The following RHOJ variants were observed in gnomAD, a reference collection of about 807,000 sequenced individuals.
RHOJ encodes the protein ras homolog family member J.
RHOJ carries 11 observed loss-of-function variants against 23.4 expected under a neutral mutation model. The ratio of observed to expected loss-of-function variants is 0.47; its 90% CI spans 0.30 to 0.78. The LOEUF (loss-of-function observed/expected upper bound fraction) is 0.78, where lower values mean the gene tolerates loss of function less well. Ranked by LOEUF, RHOJ falls within the 30% of genes least tolerant of loss-of-function variation. The probability of loss-of-function intolerance (pLI) is 0.08; values close to 1 mark genes in which losing one functional copy is unlikely to be tolerated. For missense variants in RHOJ, 254 were observed against 273.4 expected, an observed-to-expected ratio of 0.93 and a Z score of 0.50; for synonymous variants, 102 against 102.7, an observed-to-expected ratio of 0.99 and a Z score of 0.04.
intron 1 of RHOJ, among the ~76,000 whole-genome samples, chr14:63,254,619 T>C (rs1895130305): frequency 6.6e-6 from 1 of 151,954 alleles, no homozygotes; most frequent in Non-Finnish European, 1.5e-5. Flanking sequence ...GAAAATTGGA[T>C]AGATTTTAGT....
intron 1 of RHOJ, among the ~76,000 whole-genome samples, chr14:63,258,511 A>G (rs1337532900): frequency 6.6e-6 from 1 of 152,052 alleles, no homozygotes; most frequent in Non-Finnish European, 1.5e-5. Flanking sequence ...AAAGTATTAA[A>G]TTATAAAAGT....
At chr14:63,255,380 C>A (rs1222714420) in intron 1 of RHOJ, among the ~76,000 whole-genome samples, 1 of 152,186 alleles carries the variant, frequency 6.6e-6, no homozygotes, top group Non-Finnish European at 1.5e-5. Context: ...TGTCAACCAC[C>A]TTAGGGGCTC....
chr14:63,227,849 C>A (rs78683422), intron 1 of RHOJ, among the ~76,000 whole-genome samples: 8,546 of 152,250 alleles, frequency 0.056, 327 homozygotes, highest in East Asian at 0.22. Context: ...ATGAAGATTA[C>A]GTTTCAGAGC....
intron 1 of RHOJ, among the ~76,000 whole-genome samples, chr14:63,239,045 C>T (rs986478126): frequency 1.4e-4 from 21 of 152,188 alleles, no homozygotes; most frequent in Non-Finnish European, 2.5e-4. Context: ...CTCTCCAGGT[C>T]ATTAGACACT....
chr14:63,259,940 T>C (rs889380480), intron 1 of RHOJ, among the ~76,000 whole-genome samples: 1 of 152,144 alleles, frequency 6.6e-6, no homozygotes, highest in Non-Finnish European at 1.5e-5. Context: ...CAAGTAAATA[T>C]AATCTTAGGA....
chr14:63,255,532 C>G (rs1403287374), intron 1 of RHOJ, among the ~76,000 whole-genome samples: 1 of 152,100 alleles, frequency 6.6e-6, no homozygotes, highest in African/African-American at 2.4e-5. Context: ...AGAACCTTCA[C>G]ATTCACAAGA....
intron 2 of RHOJ, among the ~76,000 whole-genome samples, chr14:63,277,676 T>C (rs1881763994): frequency 6.6e-6 from 1 of 152,046 alleles, no homozygotes; most frequent in East Asian, 1.9e-4. Context: ...CCTGTAGGGA[T>C]GAGAAAAAAA....
chr14:63,275,426 T>C (rs1293260250), intron 2 of RHOJ, among the ~76,000 whole-genome samples: 4 of 152,262 alleles, frequency 2.6e-5, no homozygotes, highest in Non-Finnish European at 4.4e-5. Flanking sequence ...ACCTGTGTCA[T>C]GATGCAGCCT....
intron 2 of RHOJ, among the ~76,000 whole-genome samples, chr14:63,272,865 A>C (rs1018570368): frequency 1.3e-5 from 2 of 152,182 alleles, no homozygotes; most frequent in African/African-American, 4.8e-5. Context: ...CTCTACTAAA[A>C]ATACAAAATT....
intron 2 of RHOJ, among the ~76,000 whole-genome samples, chr14:63,270,811 C>G (rs1895455309): frequency 6.6e-6 from 1 of 152,212 alleles, no homozygotes; most frequent in East Asian, 1.9e-4. Context: ...TCTGGTCCCT[C>G]TGGCTTCCGA....
At chr14:63,216,018 C>G (rs548963397) in intron 1 of RHOJ, among the ~76,000 whole-genome samples, 14 of 152,136 alleles carry the variant, frequency 9.2e-5, no homozygotes, top group Admixed American at 2.6e-4. Flanking sequence ...ATTATTTTAT[C>G]CTCCCACATG....
At chr14:63,284,862 T>C (rs538295202) in intron 4 of RHOJ, among the ~76,000 whole-genome samples, 2 of 152,250 alleles carry the variant, frequency 1.3e-5, no homozygotes, top group East Asian at 3.9e-4. Flanking sequence ...AAGAAGTCGT[T>C]TCAAAGCCTC....
intron 1 of RHOJ, among the ~76,000 whole-genome samples, chr14:63,267,324 C>G (rs941323954): frequency 2.0e-4 from 31 of 152,208 alleles, no homozygotes; most frequent in African/African-American, 7.5e-4. Context: ...CACTCCAGGG[C>G]TCCCATAACA....
At chr14:63,286,414 A>T (rs780343699) in intron 4 of RHOJ, among the ~76,000 whole-genome samples, 3 of 152,210 alleles carry the variant, frequency 2.0e-5, no homozygotes, top group Admixed American at 1.3e-4. Flanking sequence ...CCAGGTTTGA[A>T]GGATGAGGAA....
At chr14:63,232,927 C>CTCAAGCAA (rs912507858) in intron 1 of RHOJ, among the ~76,000 whole-genome samples, 1 of 152,048 alleles carries the variant, frequency 6.6e-6, no homozygotes, top group African/African-American at 2.4e-5. Flanking sequence ...AACTCCTGGA[C>CTCAAGCAA]TCAAGCAATC....
At chr14:63,236,554 C>A (rs769671743) in intron 1 of RHOJ, among the ~76,000 whole-genome samples, 1 of 152,098 alleles carries the variant, frequency 6.6e-6, no homozygotes, top group Non-Finnish European at 1.5e-5. Flanking sequence ...ACCACAAGAA[C>A]GGCACGGGAA....
intron 1 of RHOJ, among the ~76,000 whole-genome samples, chr14:63,227,524 A>G (rs1594756351): frequency 6.6e-6 from 1 of 152,230 alleles, no homozygotes; most frequent in South Asian, 2.1e-4. Context: ...ATAGAAAAAC[A>G]AAACAAACTG....
intron 1 of RHOJ, among the ~76,000 whole-genome samples, chr14:63,222,708 G>T (rs1043954862): frequency 2.6e-5 from 4 of 152,082 alleles, no homozygotes; most frequent in Admixed American, 2.6e-4. Flanking sequence ...TGAGTTCTTT[G>T]TAGATTCTGG....
chr14:63,291,009 C>A lies in RHOJ; in HGVS notation c.630C>A (p.Cys210Ter), dbSNP rs1330393918. Residue 210 changes from cysteine (C) to a stop codon, truncating the protein, a stop_gained, in exon 5 of 5, where the codon TGC (cysteine) becomes TGA (stop). Transcript: ENST00000316754. LOFTEE classifies it high-confidence loss of function. ...KKKRCSEGHS[C>*]CSII The stretch of plus-strand genomic sequence containing the variant: ...AACGCTGTTCTGAGGGTCACAGCTG[C>A]TGTTCAATTATCTGAGGTTGTCTGG... 1 of 1,614,048 alleles carries A rather than the reference C, an allele frequency of 6.2e-7. No individual in the cohort carries two copies.
Sources: allele counts gnomAD v4.1 joint callset (sites outside exome capture counted in the v4.1 genomes callset), GRCh38; gene constraint gnomAD v4.1.1; transcripts MANE v1.5; gene names NCBI Gene and HGNC (gene_info 2026-07-23, HGNC 2026-07-21).